The following PELP1 variants were observed in gnomAD, a reference collection of about 807,000 sequenced individuals.
PELP1 encodes proline-, glutamic acid- and leucine-rich protein 1.
A neutral mutation model predicts 95.5 loss-of-function variants in PELP1; 32 were observed. The observed-to-expected ratio is 0.34, with a 90% CI of 0.25 to 0.45. PELP1 has a LOEUF of 0.45. PELP1 is among the 20% of genes least tolerant of loss of function. The pLI is 1.00. For synonymous variants in PELP1, 668 were observed against 600.1 expected (o/e 1.11, Z -1.65); for missense variants, 1,358 against 1,444.8 (o/e 0.94, Z 0.97).
chr17:4,700,366 C>T (rs972793668), intron 1 of PELP1, among the ~76,000 whole-genome samples: 7 of 151,688 alleles, frequency 4.6e-5, no homozygotes, highest in African/African-American at 1.2e-4. Flanking sequence ...AAAAAGTGGC[C>T]GGATGTGGTG....
chr17:4,690,247 G>T (rs1913049472), intron 3 of PELP1, among the ~76,000 whole-genome samples: 1 of 152,100 alleles, frequency 6.6e-6, no homozygotes, highest in South Asian at 2.1e-4. Flanking sequence ...GCATAAAAAT[G>T]ATATAATGAA....
rs1173851858 is a variant in PELP1 at position 4,669,859 on chromosome 17, T to G, written c.*1580A>C. 6.6e-6 allele frequency: 1 copy of G among 152,166 alleles called. No individual in the cohort carries two copies. The highest frequency in any genetic ancestry group is 1.5e-5 in the Non-Finnish European group (1 of 68,028). The allele number at this position is 152,166 out of a possible 1,614,324, so 9.4% of individuals were successfully genotyped here. A position where few individuals can be genotyped will look rare whatever the true frequency, so the allele number is the denominator to read the frequency against. On this transcript the variant is annotated 3_prime_UTR_variant, in exon 17 of 17. Transcript: ENST00000572293. ...TTAGGTTTGATAATGGTATCAGGAT[T>G]GTGCAGAAAAACATTCTTATCTTAG...
chr17:4,674,487 T>G, intron 13 of PELP1, 23 bp downstream of exon 13: 2 of 1,604,346 alleles, frequency 1.2e-6, no homozygotes, highest in Non-Finnish European at 1.7e-6. Context: ...GCCCCAGTGG[T>G]CCAGGGCACA....
chr17:4,703,665 T>C (rs890595461), intron 1 of PELP1, among the ~76,000 whole-genome samples, 198 bp downstream of exon 1: 25 of 152,150 alleles, frequency 1.6e-4, no homozygotes, highest in Non-Finnish European at 5.9e-5. Context: ...ATAAGGCCCA[T>C]TTTTCCCCTG....
In PELP1 at chr17:4,671,934, C is replaced by T. The variant is rs1383973991; in HGVS notation, c.3057G>A (p.Gly1019=). ...VEEPGTEEER[G]ADTAPTLAPE... is the part of the protein sequence containing the mutation. ...GGGCCAGGGTGGGAGCTGTGTCAGC[C>T]CCACGCTCCTCCTCCGTCCCTGGCT... Residue 1019 remains glycine, a synonymous_variant, in exon 16 of 17, where the codon GGG becomes GGA. Transcript: ENST00000572293. The T allele has an allele frequency of 6.6e-7, 1 of 1,524,010 alleles. No homozygotes were observed. 94.4% of individuals were successfully genotyped at this position (1,524,010 alleles called of 1,614,324 possible). A position where few individuals can be genotyped will look rare whatever the true frequency, so the allele number is the denominator to read the frequency against.
rs757758200 is a variant in PELP1, at chr17:4,690,921, C to G, written c.387G>C (p.Val129=). Residue 129 remains valine (V), a synonymous_variant, in exon 3 of 17, where the codon GTG becomes GTC. Transcript: ENST00000572293. The part of the protein sequence containing the change: ...SPTELFQQHC[V]SWLRSIQQVL... ...CCTGCTGAATGCTCCGAAGCCAAGA[C>G]ACACAGTGCTGCTGGAATAGCTCTG... The G allele has an allele frequency of 6.2e-7, 1 of 1,613,802 alleles. No homozygotes were observed. Among genetic ancestry groups the G allele is most frequent in the East Asian group, 2.2e-5 (1 of 44,884 alleles).
chr17:4,700,593 G>C (rs112657803), intron 1 of PELP1, among the ~76,000 whole-genome samples: 1 of 151,992 alleles, frequency 6.6e-6, no homozygotes, highest in African/African-American at 2.4e-5. Context: ...TCCTTCAAAA[G>C]AATATACAGG....
chr17:4,689,746 G>C (rs1271537268), intron 3 of PELP1, among the ~76,000 whole-genome samples: 1 of 152,160 alleles, frequency 6.6e-6, no homozygotes, highest in African/African-American at 2.4e-5. Context: ...ATGTGGTGTG[G>C]GCCAGGAGTG....
rs1215665093 is a variant in PELP1, at chr17:4,674,616, G to A, written c.1476C>T (p.Ser492=). 13 of 1,606,352 alleles carry A rather than the reference G, an allele frequency of 8.1e-6. No individual in the cohort carries two copies. Among genetic ancestry groups the A allele is most frequent in the South Asian group, 6.7e-5 (6 of 90,214 alleles). Reference sequence around the variant, plus strand: ...CATCCAGCTTTAGCTTCTTGGGGGCGCTAGGCTTCCCAGTCTGCAAACTCC... The same window carrying A: ...CATCCAGCTTTAGCTTCTTGGGGGCACTAGGCTTCCCAGTCTGCAAACTCC... The part of the protein sequence containing the change: ...PDGSLQTGKP[S]APKKLKLDVG... The change falls in exon 13 of 17, where the codon AGC becomes AGT. Residue 492 remains serine, a synonymous_variant. Transcript: ENST00000572293.
rs1425199411 is a variant in PELP1, at chr17:4,691,553, C to T, written c.250-111G>A. 8 of 767,250 alleles carry T rather than the reference C, an allele frequency of 1.0e-5. No individual in the cohort carries two copies. The East Asian group carries it at 2.0e-4, about 19-fold the overall frequency. The allele number at this position is 767,250 out of a possible 1,614,324, so 47.5% of individuals were successfully genotyped here. On this transcript the variant is annotated intron_variant, in intron 1 of 16. Transcript: ENST00000572293. ...CTATGAAGCCTTTCTGAAGTCACAT[C>T]TCCTCTGAGGCCAAAAGGCCATCCC...
Position 4,675,769 on chromosome 17 carries a change from C to T in PELP1, c.1068+28G>A, listed in dbSNP as rs374220667. 4 of 1,484,880 alleles carry T rather than the reference C, an allele frequency of 2.7e-6. No homozygotes were observed. Among genetic ancestry groups the T allele is most frequent in the Non-Finnish European group, 3.7e-6 (4 of 1,084,322 alleles). The allele number at this position is 1,484,880 out of a possible 1,614,324, so 92.0% of individuals were successfully genotyped here. A position where few individuals can be genotyped will look rare whatever the true frequency, so the allele number is the denominator to read the frequency against. On this transcript the variant is annotated intron_variant, in intron 9 of 16. Coordinates refer to ENST00000572293, the MANE Select transcript of PELP1 (RefSeq NM_014389.3). This position sits in a 1 kb window ranked among gnomAD's most constrained non-coding sequence, Gnocchi z 4.3. Reference sequence around the variant, plus strand: ...GGTTGCCTGGTATCCTGAGCAAGGGCTCTGAAGAGATGACAAATCCCACTT... The same window carrying T: ...GGTTGCCTGGTATCCTGAGCAAGGGTTCTGAAGAGATGACAAATCCCACTT...
intron 1 of PELP1, 28 bp from the exon 2 acceptor site, chr17:4,691,470 T>TCACAAAC: frequency 6.4e-7 from 1 of 1,567,552 alleles, no homozygotes; most frequent in Non-Finnish European, 8.8e-7. Flanking sequence ...GGGAAGCGAG[T>TCACAAAC]CACAAACGGG....
intron 3 of PELP1, among the ~76,000 whole-genome samples, chr17:4,688,859 T>C (rs1470422530): frequency 6.6e-6 from 1 of 152,118 alleles, no homozygotes; most frequent in African/African-American, 2.4e-5. Flanking sequence ...CAAAAATTTA[T>C]ATGGAACCAA....
At chr17:4,677,052 G>A (rs186448775) in intron 5 of PELP1, among the ~76,000 whole-genome samples, 1 of 152,282 alleles carries the variant, frequency 6.6e-6, no homozygotes, top group East Asian at 1.9e-4. Flanking sequence ...GCCTGGCCCT[G>A]TCCCAGAGAC....
chr17:4,703,832 A>AGGGCCGCGGGCACGC, intron 1 of PELP1, 31 bp downstream of exon 1: 1 of 1,581,578 alleles, frequency 6.3e-7, no homozygotes, highest in Non-Finnish European at 8.6e-7. Context: ...TCCTCCCCAC[A>AGGGCCGCGGGCACGC]GGGCCGCGGG....
chr17:4,683,163 G>T, intron 3 of PELP1: 1 of 1,040,170 alleles, frequency 9.6e-7, no homozygotes, highest in Non-Finnish European at 1.2e-6. Flanking sequence ...GAATTTGTGT[G>T]GGGGAAAAAA....
In PELP1 at chr17:4,672,884, G is replaced by T; in HGVS notation, c.2107C>A (p.Pro703Thr). The T allele has an allele frequency of 6.2e-7, 1 of 1,613,756 alleles. No individual in the cohort carries two copies. ...GPVPSARPGP[P>T]TTANHLGLSV... ...AGGCCTAGGTGGTTGGCTGTGGTGG[G>T]AGGTCCAGGGCGTGCCGAGGGCACA... The change falls in exon 16 of 17, where the codon CCC (proline) becomes ACC (threonine). Residue 703 changes from proline to threonine, a missense_variant. Coordinates refer to ENST00000572293, the MANE Select transcript of PELP1 (RefSeq NM_014389.3).
Position 4,691,295 on chromosome 17 carries a change from G to C in PELP1, c.314+83C>G, listed in dbSNP as rs753478655. ...GAGAGAGGTCTTGAATCCTGGGGACGGTGACAATGAAAGCAAAGATGTACA... is the reference window on the plus strand; with the variant it reads ...GAGAGAGGTCTTGAATCCTGGGGACCGTGACAATGAAAGCAAAGATGTACA... On this transcript the variant is annotated intron_variant, in intron 2 of 16. Transcript: ENST00000572293. The C allele has an allele frequency of 5.1e-6, 5 of 977,298 alleles. No individual in the cohort carries two copies. In the African/African-American group the frequency reaches 8.1e-5, roughly 16 times the overall value. The allele number at this position is 977,298 out of a possible 1,614,324, so 60.5% of individuals were successfully genotyped here.
In PELP1 at chr17:4,672,587, G is replaced by T. The variant is rs1912266787; in HGVS notation, c.2404C>A (p.Pro802Thr). The T allele has an allele frequency of 2.5e-6, 4 of 1,592,602 alleles. No individual in the cohort carries two copies. The highest frequency in any genetic ancestry group is 4.5e-5 in the East Asian group (2 of 44,580). Residue 802 changes from proline to threonine, a missense_variant, in exon 16 of 17, where the codon CCA (proline) becomes ACA (threonine). Physicochemically the swap from Pro to Thr is conservative, Grantham distance 38 (BLOSUM62 -1). Transcript: ENST00000572293. ...PEGLPPLPPP[P>T]PSGATPPPIA... ...GGGGGTGGTGTGGCACCTGAGGGTGGTGGGGGTGGCAGGGGGGGAAGCCCC... is the reference window on the plus strand; with the variant it reads ...GGGGGTGGTGTGGCACCTGAGGGTGTTGGGGGTGGCAGGGGGGGAAGCCCC...
Sources: gnomAD v4.1 joint callset for allele counts (sites outside exome capture counted in the v4.1 genomes callset) on GRCh38, gnomAD v4.1.1 for gene constraint, Gnocchi (gnomAD v3.1) non-coding constraint, MANE v1.5 for transcripts, NCBI Gene and HGNC (gene_info 2026-07-23, HGNC 2026-07-21) for gene names.